PRCD: variants seen among roughly 807,000 people sequenced by gnomAD.
PRCD encodes the protein photoreceptor disk component PRCD.
PRCD carries 12 observed loss-of-function variants against 10.1 expected under a neutral mutation model. The ratio of observed to expected loss-of-function variants is 1.18; its 90% confidence interval spans 0.76 to 1.92. The LOEUF (loss-of-function observed/expected upper bound fraction) is 1.92, where lower values mean the gene tolerates loss of function less well. PRCD is among the 40% of genes most tolerant of loss of function. PRCD has a pLI of 0.00. For missense variants in PRCD, 61 were observed against 72.2 expected (o/e 0.84, Z 0.56); for synonymous variants, 31 against 26.2 (o/e 1.18, Z -0.56).
rs373180768 is a variant in PRCD, at chr17:76,531,600, G to A, written n.45+3767G>A. On this transcript the variant is annotated intron_variant and non_coding_transcript_variant, in intron 1 of 4. Transcript: ENST00000397633. This position sits in a 1 kb window ranked among gnomAD's most constrained non-coding sequence, Gnocchi z 7.4. ...CCCATGACTCGGCAGGCGTGCTTCCGCAGCTGGGGGCTCCGCTCCATCTCC... is the reference window on the plus strand; with the variant it reads ...CCCATGACTCGGCAGGCGTGCTTCCACAGCTGGGGGCTCCGCTCCATCTCC... 8.1e-6 allele frequency: 13 copies of A among 1,613,702 alleles called. No individual in the cohort carries two copies. Among genetic ancestry groups the A allele is most frequent in the African/African-American group, 1.3e-5 (1 of 74,928 alleles).
upstream of PRCD, among the ~76,000 whole-genome samples, chr17:76,536,109 C>G (rs2074910767): frequency 6.6e-6 from 1 of 152,224 alleles, no homozygotes; most frequent in Non-Finnish European, 1.5e-5. Flanking sequence ...CCCAATGTCC[C>G]TCTTAGCTTC....
In PRCD at chr17:76,528,089, C is replaced by T. The variant is rs2074788381; in HGVS notation, n.45+256C>T. The T allele has an allele frequency of 2.7e-6, 1 of 375,000 alleles. No homozygotes were observed. The highest frequency in any genetic ancestry group is 4.9e-6 in the Non-Finnish European group (1 of 203,036). 23.2% of individuals were successfully genotyped at this position (375,000 alleles called of 1,614,324 possible). ...TGGGCCAAACCGAGGCTTCTGGGCG[C>T]CGCGGATACACATTCTAGATATGTA... On this transcript the variant is annotated intron_variant and non_coding_transcript_variant, in intron 1 of 4. Transcript: ENST00000397633. This position sits in a 1 kb window ranked among gnomAD's most constrained non-coding sequence, Gnocchi z 5.8.
At position 76,528,554 on chromosome 17, in the gene PRCD, G is replaced by T. The variant is rs1461011853; in HGVS notation, n.45+721G>T. 2 of 1,291,284 alleles carry T rather than the reference G, an allele frequency of 1.5e-6. No individual in the cohort carries two copies. The highest frequency in any genetic ancestry group is 2.0e-6 in the Non-Finnish European group (2 of 1,011,528). 80.0% of individuals were successfully genotyped at this position (1,291,284 alleles called of 1,614,324 possible). ...CGGCCTTCTGCTCGAGGTGCTGCCA[G>T]GGAGGGGGGTGGAGTTAGGGGTCCT... On this transcript the variant is annotated intron_variant and non_coding_transcript_variant, in intron 1 of 4. Transcript: ENST00000397633. The surrounding 1 kb of genome is among the most constrained non-coding windows in gnomAD (Gnocchi z 5.8).
chr17:76,539,960 T>C (rs531099160), upstream of PRCD: 2 of 640,054 alleles, frequency 3.1e-6, no homozygotes, highest in African/African-American at 1.8e-5. Flanking sequence ...CCCAGTGAGC[T>C]TAATCAGTCC....
chr17:76,540,155 T>G lies in PRCD; in HGVS notation c.14T>G (p.Leu5Arg). The change falls in exon 1 of 5, where the codon CTT (leucine) becomes CGT (arginine). Residue 5 changes from leucine to arginine, a missense_variant. Leu to Arg is a moderately radical substitution (Grantham distance 102). Coordinates refer to ENST00000592014, the MANE Select transcript of PRCD (RefSeq NM_001077620.3). This position sits in a 1 kb window ranked among gnomAD's most constrained non-coding sequence, Gnocchi z 5.0. ...GGCAGCTGCGCCATGTGCACCACCC[T>G]TTTCCTGCTCAGCACCCTGGCCATG... MCTT[L>R]FLLSTLAMLW... is the part of the protein sequence containing the mutation. The G allele has an allele frequency of 6.2e-7, 1 of 1,605,642 alleles. No homozygotes were observed. Among genetic ancestry groups the G allele is most frequent in the Non-Finnish European group, 8.5e-7 (1 of 1,176,784 alleles).
chr17:76,538,440 T>C (rs895729818), upstream of PRCD: 5 of 464,252 alleles, frequency 1.1e-5, no homozygotes, highest in Admixed American at 4.8e-5. Flanking sequence ...AGCACCTCCA[T>C]GCCCTCGGTG....
chr17:76,534,128 T>C (rs772202092), intron 1 of PRCD, among the ~76,000 whole-genome samples: 7,411 of 131,598 alleles, frequency 0.056, 248 homozygotes, highest in Non-Finnish European at 0.082. Context: ...CTTTCTTTCT[T>C]TCTCTCTCTC....
chr17:76,544,180 T>C lies in PRCD; in HGVS notation c.*530T>C, dbSNP rs951019656. 1 of 454,480 alleles carries C rather than the reference T, an allele frequency of 2.2e-6. No individual in the cohort carries two copies. Among genetic ancestry groups the C allele is most frequent in the Non-Finnish European group, 4.4e-6 (1 of 226,798 alleles). 28.2% of individuals were successfully genotyped at this position (454,480 alleles called of 1,614,324 possible). On this transcript the variant is annotated 3_prime_UTR_variant, in exon 5 of 5. Coordinates refer to ENST00000592014, the MANE Select transcript of PRCD (RefSeq NM_001077620.3). ...GCTGCTCCTGATGTCTCACAGCTAT[T>C]AGTCTTCAAAAACCCCCCGTGCCTC...
Position 76,531,673 on chromosome 17 carries a change from G to T in PRCD, n.45+3840G>T. The T allele has an allele frequency of 6.3e-7, 1 of 1,596,440 alleles. No individual in the cohort carries two copies. Among genetic ancestry groups the T allele is most frequent in the South Asian group, 1.1e-5 (1 of 90,652 alleles). On this transcript the variant is annotated intron_variant and non_coding_transcript_variant, in intron 1 of 4. Transcript: ENST00000397633. This position sits in a 1 kb window ranked among gnomAD's most constrained non-coding sequence, Gnocchi z 7.4. Reference sequence around the variant, plus strand: ...ACTGGCTGAAGTACTGCTTGGCCGAGGGGAAGTTCACAAAGAACCTGGCAA... The same window carrying T: ...ACTGGCTGAAGTACTGCTTGGCCGATGGGAAGTTCACAAAGAACCTGGCAA...
At chr17:76,545,506 A>C (rs866885312), downstream of PRCD, 5 of 394,102 alleles carry the variant, frequency 1.3e-5, no homozygotes, top group Admixed American at 1.4e-4. Flanking sequence ...GCTGAGCCAA[A>C]GGGTGGGGTC....
upstream of PRCD, among the ~76,000 whole-genome samples, chr17:76,539,466 A>G (rs1877867818): frequency 6.6e-6 from 1 of 152,196 alleles, no homozygotes; most frequent in African/African-American, 2.4e-5. Flanking sequence ...GTGTAATCAG[A>G]AAAGTTTGGA....
rs1428317713 is a variant in PRCD, at chr17:76,544,693, G to A, written c.*1043G>A. 2.2e-6 allele frequency: 1 copy of A among 456,820 alleles called. No homozygotes were observed. Among genetic ancestry groups the A allele is most frequent in the South Asian group, 1.5e-5 (1 of 64,578 alleles). 28.3% of individuals were successfully genotyped at this position (456,820 alleles called of 1,614,324 possible). A position where few individuals can be genotyped will look rare whatever the true frequency, so the allele number is the denominator to read the frequency against. On this transcript the variant is annotated 3_prime_UTR_variant, in exon 5 of 5. Coordinates refer to ENST00000592014, the MANE Select transcript of PRCD (RefSeq NM_001077620.3). ...TGGTGACAGGCCTGTCAGGCTGAGG[G>A]CCAGAGGGCACTGTTCCCGGGACCC...
chr17:76,537,381 C>T (rs762900166), upstream of PRCD: 5 of 1,576,694 alleles, frequency 3.2e-6, no homozygotes, highest in African/African-American at 2.8e-5. Flanking sequence ...AGGGCCCGGC[C>T]GGGCCGGGCG....
Position 76,531,146 on chromosome 17 carries a change from G to A in PRCD, n.45+3313G>A. The A allele has an allele frequency of 6.2e-7, 1 of 1,611,870 alleles. No individual in the cohort carries two copies. Among genetic ancestry groups the A allele is most frequent in the Non-Finnish European group, 8.5e-7 (1 of 1,178,694 alleles). On this transcript the variant is annotated intron_variant and non_coding_transcript_variant, in intron 1 of 4. Transcript: ENST00000397633. The surrounding 1 kb of genome is among the most constrained non-coding windows in gnomAD (Gnocchi z 7.4). ...CCAGAATGACCCCAGAGAGGATCTG[G>A]GGGCAAAGGGAGGAAGGGGGAGTGA...
rs756225936 is a variant in PRCD at position 76,542,542 on chromosome 17, CCT to C, written c.144-8_144-7del. ...CCTTCAATCCTGACCCCAGTGCTTT[CCT>C]CTGTTTAGGGAGAAAGAACCTCTGA... On this transcript the variant is annotated splice_polypyrimidine_tract_variant and intron_variant, in intron 2 of 4. Coordinates refer to ENST00000592014, the MANE Select transcript of PRCD (RefSeq NM_001077620.3). The C allele has an allele frequency of 6.2e-7, 1 of 1,614,212 alleles. No individual in the cohort carries two copies. Among genetic ancestry groups the C allele is most frequent in the Admixed American group, 1.7e-5 (1 of 60,032 alleles).
chr17:76,542,681 C>A, intron 3 of PRCD, 48 bp downstream of exon 3: 1 of 1,277,678 alleles, frequency 7.8e-7, no homozygotes, highest in Non-Finnish European at 1.1e-6. Flanking sequence ...AGGCTTGGGA[C>A]AGGCAGGAAG....
chr17:76,543,767 G>C, intron 4 of PRCD, 36 bp from the exon 5 acceptor site: 1 of 470,414 alleles, frequency 2.1e-6, no homozygotes, highest in Non-Finnish European at 4.4e-6. Flanking sequence ...GTTTGCCACA[G>C]TGGCACTCGC....
chr17:76,531,701 G>A lies in PRCD; in HGVS notation n.45+3868G>A. 1.9e-6 allele frequency: 3 copies of A among 1,580,706 alleles called. No homozygotes were observed. Among genetic ancestry groups the A allele is most frequent in the African/African-American group, 2.7e-5 (2 of 74,478 alleles). ...GAAGTTCACAAAGAACCTGGCAAGAGGAACAGGGGTGGTCGCTGAAGCTGG... is the reference window on the plus strand; with the variant it reads ...GAAGTTCACAAAGAACCTGGCAAGAAGAACAGGGGTGGTCGCTGAAGCTGG... On this transcript the variant is annotated intron_variant and non_coding_transcript_variant, in intron 1 of 4. Transcript: ENST00000397633. The surrounding 1 kb of genome is among the most constrained non-coding windows in gnomAD (Gnocchi z 7.4).
Position 76,528,977 on chromosome 17 carries a change from C to T in PRCD, n.45+1144C>T, listed in dbSNP as rs558867435. The T allele has an allele frequency of 8.9e-5, 91 of 1,027,724 alleles. No homozygotes were observed. The African/African-American group carries it at 1.5e-3, about 16-fold the overall frequency. The allele number at this position is 1,027,724 out of a possible 1,614,324, so 63.7% of individuals were successfully genotyped here. On this transcript the variant is annotated intron_variant and non_coding_transcript_variant, in intron 1 of 4. Coordinates refer to the PRCD transcript ENST00000397633. This position sits in a 1 kb window ranked among gnomAD's most constrained non-coding sequence, Gnocchi z 5.8. Reference sequence around the variant, plus strand: ...GCGCATTCTGTCCGGCCTGTCTCGTCCCTCCTCGGGCCACCCATCTGTATT... The same window carrying T: ...GCGCATTCTGTCCGGCCTGTCTCGTTCCTCCTCGGGCCACCCATCTGTATT...
Sources: gnomAD v4.1 joint callset for allele counts (sites outside exome capture counted in the v4.1 genomes callset) on GRCh38, gnomAD v4.1.1 for gene constraint, Gnocchi (gnomAD v3.1) non-coding constraint, MANE v1.5 for transcripts, NCBI Gene and HGNC (gene_info 2026-07-23, HGNC 2026-07-21) for gene names.